GALNTL6: variants seen among roughly 807,000 people sequenced by gnomAD.
GALNTL6 encodes the protein polypeptide N-acetylgalactosaminyltransferase-like 6.
A neutral mutation model predicts 73.7 loss-of-function variants in GALNTL6; 46 were observed. The ratio of observed to expected loss-of-function variants is 0.62; its 90% CI spans 0.49 to 0.80. GALNTL6 has a LOEUF of 0.80. GALNTL6 is among the 30% of genes least tolerant of loss of function. GALNTL6 has a pLI of 0.00. For missense variants in GALNTL6, 604 were observed against 755.0 expected (o/e 0.80, Z 2.34); for synonymous variants, 259 against 263.7 (o/e 0.98, Z 0.17).
intron 2 of GALNTL6, among the ~76,000 whole-genome samples, chr4:172,213,585 T>A (rs1736400287): frequency 6.6e-6 from 1 of 152,182 alleles, no homozygotes; most frequent in African/African-American, 2.4e-5. Context: ...GTCTGTTCAG[T>A]TGATTAGCCT....
In GALNTL6 at chr4:173,007,611, A is replaced by G. The variant is rs1331882865; in HGVS notation, c.1372-1567A>G. 2.0e-5 allele frequency among the ~76,000 whole-genome samples: 3 copies of G among 152,222 alleles called. No individual in the cohort carries two copies. In the East Asian group the frequency reaches 5.8e-4, roughly 29 times the overall value. The stretch of plus-strand genomic sequence containing the variant: ...CAAGTGAGGTCGGGAGTTCAAGACC[A>G]GCCTGGCCAACATGGTGAAACCCCA... On this transcript the variant is annotated intron_variant, in intron 10 of 12. Coordinates refer to ENST00000506823, the MANE Select transcript of GALNTL6 (RefSeq NM_001034845.3).
chr4:172,643,992 C>G, intron 5 of GALNTL6, among the ~76,000 whole-genome samples: 2 of 151,874 alleles, frequency 1.3e-5, no homozygotes, highest in South Asian at 4.2e-4. Flanking sequence ...CTGGTTTTTC[C>G]AATTATATTC....
chr4:173,039,912 T>C (rs1753835762), intron 12 of GALNTL6, 21 bp from the exon 13 acceptor site: 1 of 1,594,786 alleles, frequency 6.3e-7, no homozygotes, highest in African/African-American at 1.4e-5. Context: ...CAGTCTTTTC[T>C]TTTCTTCCTC....
chr4:172,621,675 G>T (rs1738964696), intron 5 of GALNTL6, among the ~76,000 whole-genome samples: 1 of 152,032 alleles, frequency 6.6e-6, no homozygotes, highest in African/African-American at 2.4e-5. Flanking sequence ...TGATATTCTG[G>T]ATATTCTAAA....
At chr4:172,358,651 A>G (rs530870005) in intron 5 of GALNTL6, among the ~76,000 whole-genome samples, 158 of 152,300 alleles carry the variant, frequency 1.0e-3, no homozygotes, top group African/African-American at 3.8e-3. Flanking sequence ...AACCATTGCA[A>G]CATACTCAAA....
chr4:172,057,728 ATAT>A lies in GALNTL6; in HGVS notation c.139-171927_139-171925del, dbSNP rs1438164018. Among the ~76,000 whole-genome samples, 140 of 62,220 alleles carry A rather than the reference ATAT, an allele frequency of 2.3e-3. 1 individual carries two copies. Among genetic ancestry groups the A allele is most frequent in the African/African-American group, 7.7e-3 (122 of 15,892 alleles). The allele number at this position is 62,220 out of a possible 152,430, so 40.8% of individuals were successfully genotyped here. ...AAAAAAAAAAAAAAAAAAAAAAAAAATATATATATATATATATATATATATATA... is the reference window on the plus strand; with the variant it reads ...AAAAAAAAAAAAAAAAAAAAAAAAAAATATATATATATATATATATATATA... On this transcript the variant is annotated intron_variant, in intron 2 of 12. Transcript: ENST00000506823.
intron 2 of GALNTL6, among the ~76,000 whole-genome samples, chr4:172,138,411 C>G (rs1414489607): frequency 1.9e-5 from 2 of 102,940 alleles, no homozygotes; most frequent in East Asian, 6.2e-4. Flanking sequence ...CTTCATTTTC[C>G]TTTTTTTTTG....
chr4:173,010,227 A>G (rs1752485787), intron 11 of GALNTL6, among the ~76,000 whole-genome samples: 1 of 151,956 alleles, frequency 6.6e-6, no homozygotes, highest in South Asian at 2.1e-4. Flanking sequence ...AATTGTTTTG[A>G]TTTTTAGATC....
intron 5 of GALNTL6, among the ~76,000 whole-genome samples, chr4:172,460,579 A>T (rs976730393): frequency 3.3e-5 from 5 of 152,244 alleles, no homozygotes; most frequent in African/African-American, 1.2e-4. Flanking sequence ...CACTTCTCAA[A>T]AGAAGACATT....
At chr4:171,944,015 T>C (rs1738629594) in intron 2 of GALNTL6, among the ~76,000 whole-genome samples, 1 of 152,084 alleles carries the variant, frequency 6.6e-6, no homozygotes, top group Non-Finnish European at 1.5e-5. Context: ...AACTAAATTG[T>C]AATAAGACTT....
At chr4:172,445,356 C>T (rs920404393) in intron 5 of GALNTL6, among the ~76,000 whole-genome samples, 2 of 152,142 alleles carry the variant, frequency 1.3e-5, no homozygotes, top group Non-Finnish European at 2.9e-5. Flanking sequence ...CAGATGAGAA[C>T]ATTTTATCAC....
intron 5 of GALNTL6, among the ~76,000 whole-genome samples, chr4:172,679,606 T>C (rs58774009): frequency 0.14 from 21,766 of 152,100 alleles, 1,813 homozygotes; most frequent in East Asian, 0.26. Flanking sequence ...TTCTCTGTCT[T>C]AGATGCTGAC....
At chr4:172,178,356 G>T (rs1735114481) in intron 2 of GALNTL6, among the ~76,000 whole-genome samples, 1 of 151,986 alleles carries the variant, frequency 6.6e-6, no homozygotes, top group Non-Finnish European at 1.5e-5. Context: ...TTACATGGTG[G>T]TTTGCTGCAC....
In GALNTL6 at chr4:172,468,120, A is replaced by G. The variant is rs527948143; in HGVS notation, c.553+119431A>G. 3.0e-4 allele frequency among the ~76,000 whole-genome samples: 45 copies of G among 152,164 alleles called. 1 individual carries two copies. Among genetic ancestry groups the G allele is most frequent in the Middle Eastern group, 3.4e-3 (1 of 294 alleles). On this transcript the variant is annotated intron_variant, in intron 5 of 12. Coordinates refer to ENST00000506823, the MANE Select transcript of GALNTL6 (RefSeq NM_001034845.3). ...TTACCCAGGCTGTTCTCAAACTCCT[A>G]GCCTTAAGCAATCCTCCGCCCTTGG...
At chr4:171,926,068 A>G (rs75461695) in intron 2 of GALNTL6, among the ~76,000 whole-genome samples, 1 of 152,086 alleles carries the variant, frequency 6.6e-6, no homozygotes, top group Non-Finnish European at 1.5e-5. Context: ...TATGCCTTAT[A>G]TACTTCACAT....
chr4:172,141,909 A>G (rs1733812758), intron 2 of GALNTL6, among the ~76,000 whole-genome samples: 1 of 126,172 alleles, frequency 7.9e-6, no homozygotes, highest in African/African-American at 2.7e-5. Flanking sequence ...ACACACACAC[A>G]CACCCCCCAC....
At chr4:172,517,484 G>T (rs115459292) in intron 5 of GALNTL6, among the ~76,000 whole-genome samples, 7 of 152,202 alleles carry the variant, frequency 4.6e-5, no homozygotes, top group Admixed American at 2.6e-4. Context: ...TCATTAAAAC[G>T]TGGAGTAGCT....
chr4:172,001,136 G>A (rs995708977), intron 2 of GALNTL6, among the ~76,000 whole-genome samples: 3 of 152,092 alleles, frequency 2.0e-5, no homozygotes, highest in African/African-American at 7.2e-5. Flanking sequence ...AAGAATCTTC[G>A]CAACAAAAGA....
At chr4:172,290,153 T>C (rs1322915067) in intron 3 of GALNTL6, among the ~76,000 whole-genome samples, 1 of 152,146 alleles carries the variant, frequency 6.6e-6, no homozygotes, top group Non-Finnish European at 1.5e-5. Context: ...GGGATTAGTC[T>C]GCTTTAACTG....
Sources: allele counts gnomAD v4.1 joint callset (sites outside exome capture counted in the v4.1 genomes callset), GRCh38; gene constraint gnomAD v4.1.1; transcripts MANE v1.5; gene names NCBI Gene and HGNC (gene_info 2026-07-23, HGNC 2026-07-21).